Variants in IL4R observed in about 807,000 individuals in gnomAD.
IL4R encodes interleukin 4 receptor.
Under a neutral mutation model 41.5 loss-of-function variants are expected in IL4R, and 17 were observed. The ratio of observed to expected loss-of-function variants is 0.41; its 90% CI spans 0.28 to 0.61. The LOEUF (loss-of-function observed/expected upper bound fraction) is 0.61, where lower values mean the gene tolerates loss of function less well. IL4R is among the 20% of genes least tolerant of loss of function. The pLI is 0.31. For synonymous variants in IL4R, 402 were observed against 422.9 expected (o/e 0.95, Z 0.61); for missense variants, 974 against 1,043.1 (o/e 0.93, Z 0.91).
intron 7 of IL4R, among the ~76,000 whole-genome samples, chr16:27,353,278 G>T (rs771173550): frequency 6.6e-6 from 1 of 152,096 alleles, no homozygotes; most frequent in Non-Finnish European, 1.5e-5. Flanking sequence ...AGCCGTGATC[G>T]TACCACTTTA....
At chr16:27,316,344 T>C (rs1369963737) in intron 1 of IL4R, among the ~76,000 whole-genome samples, 1 of 152,204 alleles carries the variant, frequency 6.6e-6, no homozygotes, top group Non-Finnish European at 1.5e-5. Context: ...CACTGTAGCC[T>C]GGGTGACAGA....
intron 8 of IL4R, among the ~76,000 whole-genome samples, chr16:27,356,921 T>G (rs909084934): frequency 1.3e-5 from 2 of 151,622 alleles, no homozygotes; most frequent in East Asian, 1.9e-4. Flanking sequence ...GGCTGGGAGG[T>G]GGTGGAAGGA....
At position 27,347,563 on chromosome 16, in the gene IL4R, G is replaced by A. The variant is rs867300921; in HGVS notation, c.513+945G>A. On this transcript the variant is annotated intron_variant, in intron 6 of 10. Transcript: ENST00000395762. Reference sequence around the variant, plus strand: ...GAGAGGATTTACAGGAAACTATCAGGTCAGTAATGGCAGGGGCCGTCCACA... The same window carrying A: ...GAGAGGATTTACAGGAAACTATCAGATCAGTAATGGCAGGGGCCGTCCACA... Among the ~76,000 whole-genome samples the A allele has an allele frequency of 6.3e-4, 96 of 152,204 alleles. 1 individual carries two copies. The highest frequency in any genetic ancestry group is 1.9e-3 in the African/African-American group (77 of 41,444).
intron 3 of IL4R, among the ~76,000 whole-genome samples, chr16:27,340,713 C>A (rs1226207620): frequency 6.6e-6 from 1 of 151,694 alleles, no homozygotes; most frequent in East Asian, 1.9e-4. Flanking sequence ...GAAAGTGAGA[C>A]CCTGTCAAAA....
At chr16:27,353,570 AGTTTT>A (rs1477705431) in intron 7 of IL4R, among the ~76,000 whole-genome samples, 1 of 152,152 alleles carries the variant, frequency 6.6e-6, no homozygotes, top group African/African-American at 2.4e-5. Flanking sequence ...AATAGCTGTG[AGTTTT>A]GTTTTGCTGG....
chr16:27,331,556 T>A (rs2085112336), intron 2 of IL4R, among the ~76,000 whole-genome samples: 1 of 152,140 alleles, frequency 6.6e-6, no homozygotes, highest in South Asian at 2.1e-4. Flanking sequence ...GGCAGAGCTT[T>A]CCAGGTAAAG....
At chr16:27,348,538 C>T (rs538365233) in intron 6 of IL4R, among the ~76,000 whole-genome samples, 6 of 152,376 alleles carry the variant, frequency 3.9e-5, no homozygotes, top group Admixed American at 3.3e-4. Context: ...TAGGCAGGCT[C>T]TTCCCTCATG....
chr16:27,361,764 C>T (rs1405901071), intron 10 of IL4R, among the ~76,000 whole-genome samples: 1 of 151,596 alleles, frequency 6.6e-6, no homozygotes, highest in African/African-American at 2.4e-5. Flanking sequence ...ACCAACATGC[C>T]CAGCTAATTT....
intron 7 of IL4R, 78 bp from the exon 8 acceptor site, chr16:27,355,730 G>A (rs897665058): frequency 1.0e-6 from 1 of 990,264 alleles, no homozygotes; most frequent in African/African-American, 1.6e-5. Context: ...TCCTGACCCT[G>A]GGTCTCCAGT....
At chr16:27,318,140 C>A (rs1404941424) in intron 1 of IL4R, among the ~76,000 whole-genome samples, 1 of 152,272 alleles carries the variant, frequency 6.6e-6, no homozygotes, top group African/African-American at 2.4e-5. Flanking sequence ...AAACTTGAGG[C>A]TTTTTAGAGT....
At chr16:27,351,511 T>TCTC (rs760742359) in intron 6 of IL4R, among the ~76,000 whole-genome samples, 2,199 of 26,442 alleles carry the variant, frequency 0.083, 16 homozygotes, top group Middle Eastern at 0.31. Flanking sequence ...TCTCTCTCTC[T>TCTC]TTTTTTTTTT....
At position 27,363,813 on chromosome 16, in the gene IL4R, T is replaced by C; in HGVS notation, c.2461T>C (p.Tyr821His). The C allele has an allele frequency of 1.2e-6, 2 of 1,604,000 alleles. No individual in the cohort carries two copies. Among genetic ancestry groups the C allele is most frequent in the Non-Finnish European group, 1.7e-6 (2 of 1,179,666 alleles). ...GAACTTTGTCTCCGTGGGACCCACATACATGAGGGTCTCTTAGGTGCATGT... is the reference window on the plus strand; with the variant it reads ...GAACTTTGTCTCCGTGGGACCCACACACATGAGGGTCTCTTAGGTGCATGT... Reference protein sequence around the residue: ...IVNFVSVGPTYMRVS With the variant: ...IVNFVSVGPTHMRVS Residue 821 changes from tyrosine (Y) to histidine (H), a missense_variant, in exon 11 of 11, where the codon TAC becomes CAC. Tyr to His is a moderately conservative substitution (Grantham distance 83). Coordinates refer to ENST00000395762, the MANE Select transcript of IL4R (RefSeq NM_000418.4).
At position 27,362,248 on chromosome 16, in the gene IL4R, G is replaced by A; in HGVS notation, c.900-4G>A. The A allele has an allele frequency of 6.2e-7, 1 of 1,612,690 alleles. No homozygotes were observed. The highest frequency in any genetic ancestry group is 8.5e-7 in the Non-Finnish European group (1 of 1,179,118). ...TGAACCCTGACCAACCTTTGCTTTT[G>A]CAGACACTGGAAGAATTGTCTTACC... On this transcript the variant is annotated splice_region_variant and splice_polypyrimidine_tract_variant and intron_variant, in intron 10 of 10. Transcript: ENST00000395762.
intron 7 of IL4R, among the ~76,000 whole-genome samples, chr16:27,353,840 G>A (rs1235716556): frequency 4.6e-5 from 7 of 152,038 alleles, no homozygotes; most frequent in African/African-American, 1.7e-4. Flanking sequence ...AGGTGTGAGA[G>A]GTTAGGGAAA....
intron 7 of IL4R, among the ~76,000 whole-genome samples, chr16:27,353,844 A>G (rs1291773313): frequency 4.6e-5 from 7 of 152,136 alleles, no homozygotes; most frequent in African/African-American, 1.7e-4. Flanking sequence ...GTGAGAGGTT[A>G]GGGAAAGTAA....
intron 1 of IL4R, among the ~76,000 whole-genome samples, chr16:27,320,622 A>G (rs2084786967): frequency 6.6e-6 from 1 of 152,240 alleles, no homozygotes; most frequent in South Asian, 2.1e-4. Context: ...ATCCAGCCCA[A>G]AGAGGAGAGT....
chr16:27,339,949 C>T (rs1308925809), intron 2 of IL4R, among the ~76,000 whole-genome samples: 4 of 152,106 alleles, frequency 2.6e-5, no homozygotes, highest in South Asian at 2.1e-4. Flanking sequence ...CCCAGCTACT[C>T]GGGAGGCTGA....
At chr16:27,332,418 A>G (rs966879169) in intron 2 of IL4R, among the ~76,000 whole-genome samples, 2 of 152,088 alleles carry the variant, frequency 1.3e-5, no homozygotes, top group Non-Finnish European at 2.9e-5. Flanking sequence ...GCATGGGGGA[A>G]CTGCTCCCGT....
chr16:27,345,246 G>A lies in IL4R; in HGVS notation c.361+226G>A. ...CCACCAAGCCCCCTTCAGCCCAGCT[G>A]TTTCCACCCCTGAACTTAAGTGCCC... is the stretch of plus-strand genomic sequence containing the variant. On this transcript the variant is annotated intron_variant, in intron 5 of 10. Transcript: ENST00000395762. This position sits in a 1 kb window ranked among gnomAD's most constrained non-coding sequence, Gnocchi z 4.5. The A allele has an allele frequency of 4.4e-6, 3 of 682,680 alleles. No homozygotes were observed. Among genetic ancestry groups the A allele is most frequent in the Non-Finnish European group, 8.0e-6 (3 of 374,370 alleles). The allele number at this position is 682,680 out of a possible 1,614,324, so 42.3% of individuals were successfully genotyped here.
Sources: allele counts gnomAD v4.1 joint callset (sites outside exome capture counted in the v4.1 genomes callset), GRCh38; gene constraint gnomAD v4.1.1; non-coding constraint Gnocchi (gnomAD v3.1); transcripts MANE v1.5; gene names NCBI Gene and HGNC (gene_info 2026-07-23, HGNC 2026-07-21).